The following HSD17B4 variants were observed in gnomAD, a reference collection of about 807,000 sequenced individuals.
HSD17B4 encodes hydroxysteroid 17-beta dehydrogenase 4, also known as peroxisomal multifunctional enzyme type 2.
Under a neutral mutation model 101.0 loss-of-function variants are expected in HSD17B4, and 70 were observed. That is an observed-to-expected ratio of 0.69 (90% CI 0.57 to 0.85). The LOEUF (loss-of-function observed/expected upper bound fraction) is 0.85. Among genes scored for constraint, HSD17B4 ranks in the 40% least tolerant of loss-of-function variants. The pLI, the probability that HSD17B4 is intolerant of heterozygous loss-of-function variation, is 0.00. For synonymous variants in HSD17B4, 347 were observed against 297.1 expected (o/e 1.17, Z -1.73); for missense variants, 984 against 892.4 (o/e 1.10, Z -1.31).
chr5:119,531,829 G>A (rs563201815), intron 22 of HSD17B4, among the ~76,000 whole-genome samples: 6 of 152,016 alleles, frequency 3.9e-5, no homozygotes, highest in African/African-American at 7.2e-5. Flanking sequence ...ACAATAATTT[G>A]GATTATCTTA....
intron 11 of HSD17B4, among the ~76,000 whole-genome samples, chr5:119,495,038 G>T (rs753243848): frequency 3.4e-5 from 5 of 145,214 alleles, no homozygotes; most frequent in African/African-American, 1.4e-4. Flanking sequence ...ATGACTATTC[G>T]GTTTTTTTTT....
chr5:119,506,636 G>C (rs1278728630), intron 14 of HSD17B4, among the ~76,000 whole-genome samples, 182 bp from the exon 15 acceptor site: 2 of 152,216 alleles, frequency 1.3e-5, no homozygotes, highest in Admixed American at 6.5e-5. Flanking sequence ...CCCACCAACA[G>C]TGTAAAAGCG....
intron 23 of HSD17B4, among the ~76,000 whole-genome samples, chr5:119,537,216 T>C (rs1346633564): frequency 6.6e-6 from 1 of 152,132 alleles, no homozygotes; most frequent in Non-Finnish European, 1.5e-5. Context: ...GTAATTTGAA[T>C]AAATGAGGAA....
chr5:119,524,513 T>C (rs77972558), intron 17 of HSD17B4, among the ~76,000 whole-genome samples: 1 of 152,226 alleles, frequency 6.6e-6, no homozygotes, highest in Non-Finnish European at 1.5e-5. Context: ...CTATTAGCTG[T>C]TTGGTGAATT....
At chr5:119,527,098 T>C in intron 19 of HSD17B4, 35 bp from the exon 20 acceptor site, 1 of 1,307,252 alleles carries the variant, frequency 7.6e-7, no homozygotes, top group Non-Finnish European at 1.1e-6. Context: ...AGTTTCCTTT[T>C]AAAACATTTT....
rs765831611 is a variant in HSD17B4, at chr5:119,502,100, A to G, written c.1261+8A>G. ...AACCACTTCCCAGAGCAGGTGAGTT[A>G]TTGATATACTAATTCCATAATACCA... On this transcript the variant is annotated splice_region_variant and intron_variant, in intron 14 of 23. Coordinates refer to ENST00000510025, the MANE Select transcript of HSD17B4 (RefSeq NM_000414.4). 4.6e-6 allele frequency: 7 copies of G among 1,526,028 alleles called. No homozygotes were observed. In the African/African-American group the frequency reaches 8.2e-5, roughly 18 times the overall value. 94.5% of individuals were successfully genotyped at this position (1,526,028 alleles called of 1,614,324 possible).
intron 15 of HSD17B4, among the ~76,000 whole-genome samples, chr5:119,508,816 G>A (rs753060238): frequency 6.6e-6 from 1 of 152,196 alleles, no homozygotes; most frequent in African/African-American, 2.4e-5. Context: ...GTACTTTCTA[G>A]TGGGATTATT....
At chr5:119,459,837 C>G (rs1359299050) in intron 2 of HSD17B4, among the ~76,000 whole-genome samples, 1 of 151,900 alleles carries the variant, frequency 6.6e-6, no homozygotes, top group Non-Finnish European at 1.5e-5. Context: ...GGGCAGAGCC[C>G]TCACAATTCA....
chr5:119,474,298 C>G, intron 3 of HSD17B4, 103 bp from the exon 4 acceptor site: 2 of 797,200 alleles, frequency 2.5e-6, no homozygotes. Flanking sequence ...CTTCTGAGTT[C>G]TGTTGGGTGA....
At position 119,517,112 on chromosome 5, in the gene HSD17B4, C is replaced by T. The variant is rs1461995752; in HGVS notation, c.1503+2066C>T. Among the ~76,000 whole-genome samples, 7 of 152,302 alleles carry T rather than the reference C, an allele frequency of 4.6e-5. No individual in the cohort carries two copies. The South Asian group carries it at 8.3e-4, about 18-fold the overall frequency. The stretch of plus-strand genomic sequence containing the variant: ...TTGCAGGGTGGTGTGGAGGGAGAGG[C>T]GCTAGCGGGAACCGGGGCTGCGCGC... On this transcript the variant is annotated intron_variant, in intron 17 of 23. Coordinates refer to ENST00000510025, the MANE Select transcript of HSD17B4 (RefSeq NM_000414.4).
intron 4 of HSD17B4, 111 bp downstream of exon 4, chr5:119,474,571 AT>A (rs2126685043): frequency 1.3e-6 from 1 of 765,354 alleles, no homozygotes; most frequent in African/African-American, 1.7e-5. Flanking sequence ...TCATAATCAC[AT>A]TTTAAAATTT....
rs34407657 is a variant in HSD17B4, at chr5:119,531,275, C to T, written c.1864C>T (p.Leu622Phe). ...SAKTPSEGGK[L>F]QSTFVFEEIG... is the part of the protein sequence containing the mutation. The stretch of plus-strand genomic sequence containing the variant: ...TTGTTGTCGTTGTTAGGGCGGGAAG[C>T]TTCAGAGTACCTTTGTATTTGAGGA... The change falls in exon 22 of 24, where the codon CTT (leucine) becomes TTT (phenylalanine). Residue 622 changes from leucine (L) to phenylalanine (F), a missense_variant. Coordinates refer to ENST00000510025, the MANE Select transcript of HSD17B4 (RefSeq NM_000414.4). 12 of 1,613,484 alleles carry T rather than the reference C, an allele frequency of 7.4e-6. No homozygotes were observed. In the African/African-American group the frequency reaches 1.5e-4, roughly 20 times the overall value.
chr5:119,490,810 T>G (rs1476440096), intron 9 of HSD17B4, among the ~76,000 whole-genome samples: 3 of 152,096 alleles, frequency 2.0e-5, no homozygotes, highest in Non-Finnish European at 2.9e-5. Context: ...TCAAATAATC[T>G]GCCCGCCTTG....
intron 14 of HSD17B4, among the ~76,000 whole-genome samples, chr5:119,504,963 C>T (rs1751512288): frequency 6.6e-6 from 1 of 152,172 alleles, no homozygotes; most frequent in Non-Finnish European, 1.5e-5. Context: ...CATTTTTCTG[C>T]ATATGGCTAG....
chr5:119,502,355 G>A (rs1385327136), intron 14 of HSD17B4, among the ~76,000 whole-genome samples: 1 of 152,040 alleles, frequency 6.6e-6, no homozygotes, highest in African/African-American at 2.4e-5. Context: ...TGAAAGGAAC[G>A]TTCGTGTATG....
At chr5:119,530,215 T>C (rs1476757048) in intron 21 of HSD17B4, 1 of 462,920 alleles carries the variant, frequency 2.2e-6, no homozygotes. Flanking sequence ...GAGAACATAA[T>C]TTTCTAGTTT....
intron 14 of HSD17B4, among the ~76,000 whole-genome samples, chr5:119,503,484 A>C (rs1479225233): frequency 1.3e-5 from 2 of 152,190 alleles, no homozygotes; most frequent in African/African-American, 4.8e-5. Context: ...AATGTTCAAA[A>C]TATGAGATAT....
chr5:119,487,831 A>G (rs1749744947), intron 8 of HSD17B4, among the ~76,000 whole-genome samples: 1 of 152,132 alleles, frequency 6.6e-6, no homozygotes, highest in South Asian at 2.1e-4. Context: ...AGATGAATGG[A>G]TATTTAAGTT....
intron 2 of HSD17B4, among the ~76,000 whole-genome samples, chr5:119,457,609 C>G (rs1394858573): frequency 1.3e-5 from 2 of 152,188 alleles, no homozygotes; most frequent in Non-Finnish European, 2.9e-5. Context: ...TCAGATTTTC[C>G]CAAGAATAGC....
Sources: gnomAD v4.1 joint callset for allele counts (sites outside exome capture counted in the v4.1 genomes callset) on GRCh38, gnomAD v4.1.1 for gene constraint, MANE v1.5 for transcripts, NCBI Gene and HGNC (gene_info 2026-07-23, HGNC 2026-07-21) for gene names.